CCDC82: variants seen among roughly 807,000 people sequenced by gnomAD.
The protein encoded by CCDC82 is coiled-coil domain containing 82.
CCDC82 carries 47 observed loss-of-function variants against 60.6 expected under a neutral mutation model. That is an observed-to-expected ratio of 0.77 (90% CI 0.61 to 0.99). CCDC82 has a LOEUF of 0.99. Among genes scored for constraint, CCDC82 ranks in the 50% least tolerant of loss-of-function variants. The probability of loss-of-function intolerance (pLI) is 0.00; values close to 1 mark genes in which losing one functional copy is unlikely to be tolerated. For missense variants in CCDC82, 588 were observed against 633.0 expected, an observed-to-expected ratio of 0.93 and a Z score of 0.76; for synonymous variants, 212 against 207.4, an observed-to-expected ratio of 1.02 and a Z score of -0.19.
At chr11:96,370,601 C>T (rs888129202) in intron 7 of CCDC82, among the ~76,000 whole-genome samples, 3 of 152,114 alleles carry the variant, frequency 2.0e-5, no homozygotes, top group African/African-American at 7.2e-5. Flanking sequence ...ATACTGCATT[C>T]CATACCACCC....
In CCDC82 at chr11:96,353,281, C is replaced by T. The variant is rs116065073; in HGVS notation, c.*365G>A. ...GAATAAACAGATCTGGACAGGAATTCCGTAAAAATACATGTAGACGTTAGT... is the reference window on the plus strand; with the variant it reads ...GAATAAACAGATCTGGACAGGAATTTCGTAAAAATACATGTAGACGTTAGT... On this transcript the variant is annotated 3_prime_UTR_variant, in exon 10 of 10. Transcript: ENST00000646818. 4.5e-3 allele frequency: 774 copies of T among 172,560 alleles called. 6 individuals carry two copies. The highest frequency in any genetic ancestry group is 0.018 in the African/African-American group (735 of 41,818). 10.7% of individuals were successfully genotyped at this position (172,560 alleles called of 1,614,324 possible). A position where few individuals can be genotyped will look rare whatever the true frequency, so the allele number is the denominator to read the frequency against.
intron 5 of CCDC82, 151 bp from the exon 6 acceptor site, chr11:96,373,618 T>C (rs1026467808): frequency 9.9e-6 from 5 of 503,848 alleles, no homozygotes; most frequent in Admixed American, 4.0e-5. Context: ...CGATGACTTG[T>C]TTAGTCACGG....
intron 5 of CCDC82, among the ~76,000 whole-genome samples, chr11:96,374,004 C>G (rs1865432619): frequency 6.6e-6 from 1 of 152,114 alleles, no homozygotes. Context: ...TTCCCCATAC[C>G]ACATATTTAA....
At chr11:96,358,745 C>A in intron 9 of CCDC82, 1 of 904,368 alleles carries the variant, frequency 1.1e-6, no homozygotes, top group South Asian at 2.7e-5. Flanking sequence ...AGAGGTCCTT[C>A]AATAAAGGAC....
chr11:96,358,278 C>T (rs902559244), intron 9 of CCDC82: 2 of 1,115,380 alleles, frequency 1.8e-6, no homozygotes, highest in Middle Eastern at 3.8e-4. Context: ...TAGAAGACTG[C>T]AGTCGTATTA....
chr11:96,353,889 C>G (rs147930211), intron 9 of CCDC82, 175 bp from the exon 10 acceptor site: 427 of 474,224 alleles, frequency 9.0e-4, no homozygotes, highest in African/African-American at 7.9e-3. Flanking sequence ...TCATATATAA[C>G]TCATATATTT....
At chr11:96,377,912 G>A (rs1008880843) in intron 5 of CCDC82, among the ~76,000 whole-genome samples, 1 of 151,860 alleles carries the variant, frequency 6.6e-6, no homozygotes, top group African/African-American at 2.4e-5. Flanking sequence ...TAATAACCTT[G>A]AATTCATATC....
intron 5 of CCDC82, among the ~76,000 whole-genome samples, chr11:96,377,563 T>C (rs901134583): frequency 1.3e-5 from 2 of 152,150 alleles, no homozygotes; most frequent in Admixed American, 1.3e-4. Context: ...TATGTTCCTA[T>C]TACTAATTTT....
chr11:96,353,184 T>G lies in CCDC82; in HGVS notation c.*462A>C, dbSNP rs1242596834. ...ATTGAACTGAATGATATATGAGGTT[T>G]CTTCCATGGCCCACTGATTTAGATG... On this transcript the variant is annotated 3_prime_UTR_variant, in exon 10 of 10. Coordinates refer to ENST00000646818, the MANE Select transcript of CCDC82 (RefSeq NM_024725.4). 2 of 156,832 alleles carry G rather than the reference T, an allele frequency of 1.3e-5. No homozygotes were observed. The highest frequency in any genetic ancestry group is 4.8e-5 in the African/African-American group (2 of 41,502). The allele number at this position is 156,832 out of a possible 1,614,324, so 9.7% of individuals were successfully genotyped here.
At chr11:96,387,423 G>A (rs1866257911) in intron 2 of CCDC82, 107 bp downstream of exon 2, 1 of 152,212 alleles carries the variant, frequency 6.6e-6, no homozygotes, top group African/African-American at 2.4e-5. Context: ...TAAGTTTTTA[G>A]TGCATTTTCA....
chr11:96,381,492 G>A (rs1865876340), intron 5 of CCDC82: 1 of 151,228 alleles, frequency 6.6e-6, no homozygotes, highest in African/African-American at 2.4e-5. Context: ...TGAAATATTT[G>A]GAAAGAATGC....
Position 96,357,679 on chromosome 11 carries a change from T to C in CCDC82, c.1566+1314A>G, listed in dbSNP as rs915610793. ...TCTATACCTAGTATCTAATTCTTTA[T>C]AACTGTGCTATCCCAATAGGTTTTG... is the stretch of plus-strand genomic sequence containing the variant. On this transcript the variant is annotated intron_variant, in intron 9 of 9. Transcript: ENST00000646818. 5.1e-6 allele frequency: 5 copies of C among 984,972 alleles called. No homozygotes were observed. In the African/African-American group the frequency reaches 5.2e-5, roughly 10 times the overall value. 61.0% of individuals were successfully genotyped at this position (984,972 alleles called of 1,614,324 possible). A position where few individuals can be genotyped will look rare whatever the true frequency, so the allele number is the denominator to read the frequency against.
intron 9 of CCDC82, chr11:96,358,195 T>C (rs1309805478): frequency 1.0e-6 from 1 of 1,000,350 alleles, no homozygotes; most frequent in Non-Finnish European, 1.2e-6. Flanking sequence ...TTTAAAAGAT[T>C]AAATGTTGAT....
At chr11:96,374,200 C>T (rs1865443502) in intron 5 of CCDC82, among the ~76,000 whole-genome samples, 1 of 152,160 alleles carries the variant, frequency 6.6e-6, no homozygotes, top group South Asian at 2.1e-4. Context: ...GAATACATGC[C>T]CTGCTCAGGG....
rs371066492 is a variant in CCDC82, at chr11:96,384,680, C to T, written c.68G>A (p.Arg23Gln). ...SKSHVPEQKSRVDWRRTKRSS... is the reference protein window; with the variant it reads ...SKSHVPEQKSQVDWRRTKRSS... The stretch of plus-strand genomic sequence containing the variant: ...TCTTTTAGTTCGCCTCCAATCAACT[C>T]GAGATTTCTGCTCAGGCACGTGACT... Residue 23 changes from arginine (R) to glutamine (Q), a missense_variant, in exon 4 of 10, where the codon CGA becomes CAA. Transcript: ENST00000646818. The T allele has an allele frequency of 5.6e-6, 9 of 1,613,056 alleles. No homozygotes were observed. Among genetic ancestry groups the T allele is most frequent in the South Asian group, 3.3e-5 (3 of 90,920 alleles).
In CCDC82 at chr11:96,353,485, G is replaced by C. The variant is rs1452475838; in HGVS notation, c.*161C>G. The C allele has an allele frequency of 5.0e-6, 3 of 601,110 alleles. No individual in the cohort carries two copies. In the Admixed American group the frequency reaches 9.4e-5, roughly 19 times the overall value. 37.2% of individuals were successfully genotyped at this position (601,110 alleles called of 1,614,324 possible). The stretch of plus-strand genomic sequence containing the variant: ...CAGATAAAAGTTTAATTAGAGTGTA[G>C]AGTGCCACTTCACAGGAATTAAGAT... On this transcript the variant is annotated 3_prime_UTR_variant, in exon 10 of 10. Coordinates refer to ENST00000646818, the MANE Select transcript of CCDC82 (RefSeq NM_024725.4).
chr11:96,382,606 G>A (rs1245678317), intron 5 of CCDC82: 1 of 151,842 alleles, frequency 6.6e-6, no homozygotes, highest in Non-Finnish European at 1.5e-5. Flanking sequence ...TGGTTGTAAT[G>A]CAAGTACTAA....
At position 96,384,047 on chromosome 11, in the gene CCDC82, G is replaced by A. The variant is rs780608376; in HGVS notation, c.701C>T (p.Ala234Val). 1 of 1,613,658 alleles carries A rather than the reference G, an allele frequency of 6.2e-7. No individual in the cohort carries two copies. The change falls in exon 4 of 10, where the codon GCA (alanine) becomes GTA (valine). Residue 234 changes from alanine to valine, a missense_variant. By Grantham distance (64) the Ala-to-Val change is moderately conservative. Transcript: ENST00000646818. Reference protein sequence around the residue: ...EQKTPEKTLAAQKREKLQKLK... With the variant: ...EQKTPEKTLAVQKREKLQKLK... ...CTTCTGAAGTTTTTCTCGCTTTTGT[G>A]CAGCTAATGTTTTTTCAGGAGTCTT... is the stretch of plus-strand genomic sequence containing the variant.
intron 7 of CCDC82, among the ~76,000 whole-genome samples, chr11:96,366,220 C>A (rs1462137300): frequency 6.6e-6 from 1 of 152,206 alleles, no homozygotes; most frequent in African/African-American, 2.4e-5. Context: ...ATGACTAACA[C>A]TGGATATATA....
Sources: allele counts gnomAD v4.1 joint callset (sites outside exome capture counted in the v4.1 genomes callset), GRCh38; gene constraint gnomAD v4.1.1; transcripts MANE v1.5; gene names NCBI Gene and HGNC (gene_info 2026-07-23, HGNC 2026-07-21).